SYT16: variants seen among roughly 807,000 people sequenced by gnomAD.
The protein encoded by SYT16 is synaptotagmin 16, also known as synaptotagmin-16.
In SYT16, 42 loss-of-function variants were observed where a neutral mutation model predicts 61.4. The ratio of observed to expected loss-of-function variants is 0.68; its 90% CI spans 0.53 to 0.89. The LOEUF (loss-of-function observed/expected upper bound fraction) is 0.89, where lower values mean the gene tolerates loss of function less well. SYT16 is among the 40% of genes least tolerant of loss of function. SYT16 has a pLI of 0.00. For synonymous variants in SYT16, 314 were observed against 302.3 expected (o/e 1.04, Z -0.40); for missense variants, 804 against 807.3 (o/e 1.00, Z 0.05).
At chr14:62,018,712 C>A (rs2053801138) in intron 3 of SYT16, among the ~76,000 whole-genome samples, 1 of 152,144 alleles carries the variant, frequency 6.6e-6, no homozygotes. Flanking sequence ...TTACTCACTT[C>A]CGTTGGGTCT....
chr14:62,075,488 A>G (rs1484360689), intron 5 of SYT16, 97 bp downstream of exon 5: 10 of 1,328,658 alleles, frequency 7.5e-6, no homozygotes, highest in Admixed American at 2.5e-5. Flanking sequence ...AAAAAATTCC[A>G]GAAAGGAAGC....
intron 1 of SYT16, among the ~76,000 whole-genome samples, chr14:61,873,261 A>C (rs1417870295): frequency 6.6e-6 from 1 of 152,206 alleles, no homozygotes; most frequent in Admixed American, 6.5e-5. Flanking sequence ...TCCCCGAAAG[A>C]GTTATAGGCT....
chr14:62,077,768 C>A (rs2056548042), intron 5 of SYT16: 2 of 152,196 alleles, frequency 1.3e-5, no homozygotes, highest in Admixed American at 6.5e-5. Context: ...GGCTACAAAG[C>A]CCAGTTTTCA....
chr14:61,886,585 A>G (rs1170164362), intron 1 of SYT16, among the ~76,000 whole-genome samples: 1 of 152,230 alleles, frequency 6.6e-6, no homozygotes, highest in African/African-American at 2.4e-5. Flanking sequence ...AAGTTTGACC[A>G]TAAGATTGCA....
At chr14:62,089,839 C>G (rs2057011442) in intron 7 of SYT16, among the ~76,000 whole-genome samples, 1 of 152,224 alleles carries the variant, frequency 6.6e-6, no homozygotes, top group African/African-American at 2.4e-5. Flanking sequence ...TAGTGTCTAG[C>G]AGACATCTGA....
At chr14:61,987,049 TAATA>T (rs1301313585) in intron 2 of SYT16, among the ~76,000 whole-genome samples, 1 of 152,112 alleles carries the variant, frequency 6.6e-6, no homozygotes, top group Non-Finnish European at 1.5e-5. Context: ...TAGTAAGTGT[TAATA>T]AGAAATAAGG....
At chr14:62,060,586 G>T (rs917151674) in intron 3 of SYT16, among the ~76,000 whole-genome samples, 1 of 151,292 alleles carries the variant, frequency 6.6e-6, no homozygotes, top group Non-Finnish European at 1.5e-5. Flanking sequence ...ATGATTATTT[G>T]GTTTTTCTTT....
intron 3 of SYT16, among the ~76,000 whole-genome samples, chr14:62,030,326 GA>G (rs2054265784): frequency 6.6e-6 from 1 of 152,142 alleles, no homozygotes; most frequent in African/African-American, 2.4e-5. Context: ...AATTAGTTTT[GA>G]AAGTGTTTTA....
chr14:61,920,582 T>C (rs1477072988), intron 1 of SYT16, among the ~76,000 whole-genome samples: 2 of 152,206 alleles, frequency 1.3e-5, no homozygotes, highest in African/African-American at 4.8e-5. Context: ...GGCCTGTCTC[T>C]AGAAACATTT....
At chr14:61,905,585 T>C (rs2048672672) in intron 1 of SYT16, among the ~76,000 whole-genome samples, 4 of 152,154 alleles carry the variant, frequency 2.6e-5, no homozygotes, top group Admixed American at 2.6e-4. Flanking sequence ...TTCTGTGTAA[T>C]TATCTGCTTG....
At chr14:62,085,197 A>C (rs777755045) in intron 7 of SYT16, among the ~76,000 whole-genome samples, 43 of 152,226 alleles carry the variant, frequency 2.8e-4, no homozygotes, top group Non-Finnish European at 8.8e-5. Context: ...GCATGCTGTT[A>C]AAAAGTTAGC....
Position 62,039,834 on chromosome 14 carries a change from T to TACACACACACACACACAC in SYT16, c.524-29742_524-29725dup, listed in dbSNP as rs71449576. Among the ~76,000 whole-genome samples, 12 of 124,424 alleles carry TACACACACACACACACAC rather than the reference T, an allele frequency of 9.6e-5. No homozygotes were observed. In the East Asian group the frequency reaches 2.1e-3, roughly 21 times the overall value. 81.6% of individuals were successfully genotyped at this position (124,424 alleles called of 152,430 possible). A position where few individuals can be genotyped will look rare whatever the true frequency, so the allele number is the denominator to read the frequency against. Reference sequence around the variant, plus strand: ...AGCCAAATTCAGAGGGGCTTAAGCATACACACACACACACACACACACACA... The same window carrying TACACACACACACACACAC: ...AGCCAAATTCAGAGGGGCTTAAGCATACACACACACACACACACACACACACACACACACACACACACA... On this transcript the variant is annotated intron_variant, in intron 3 of 7. Coordinates refer to ENST00000683842, the MANE Select transcript of SYT16 (RefSeq NM_001367656.1).
At chr14:61,977,822 C>T (rs1595066132) in intron 2 of SYT16, among the ~76,000 whole-genome samples, 1 of 152,078 alleles carries the variant, frequency 6.6e-6, no homozygotes, top group African/African-American at 2.4e-5. Context: ...CCTATGGCTG[C>T]CATAACAAAT....
At chr14:61,980,864 G>A (rs1351953711) in intron 2 of SYT16, among the ~76,000 whole-genome samples, 2 of 152,114 alleles carry the variant, frequency 1.3e-5, no homozygotes, top group Admixed American at 6.6e-5. Flanking sequence ...CTCATTGCTG[G>A]GCAGAAAAAC....
At chr14:61,912,316 A>G (rs564786770) in intron 1 of SYT16, among the ~76,000 whole-genome samples, 1 of 152,330 alleles carries the variant, frequency 6.6e-6, no homozygotes, top group African/African-American at 2.4e-5. Context: ...TACTAAATTC[A>G]TTTTCATTTT....
chr14:61,975,600 AACTC>A (rs1376003171), intron 2 of SYT16, among the ~76,000 whole-genome samples: 1 of 152,088 alleles, frequency 6.6e-6, no homozygotes, highest in African/African-American at 2.4e-5. Flanking sequence ...ATCTTGTGAG[AACTC>A]ACTCACTATC....
intron 1 of SYT16, among the ~76,000 whole-genome samples, chr14:61,956,918 A>G (rs1218303529): frequency 6.6e-6 from 1 of 151,820 alleles, no homozygotes; most frequent in Admixed American, 6.6e-5. Context: ...AAAATAGACA[A>G]TATTTATTAT....
chr14:62,036,175 A>T (rs901036582), intron 3 of SYT16, among the ~76,000 whole-genome samples: 5 of 152,200 alleles, frequency 3.3e-5, no homozygotes, highest in Non-Finnish European at 7.3e-5. Flanking sequence ...TGGGAGGTGG[A>T]GAATAGATCT....
intron 3 of SYT16, among the ~76,000 whole-genome samples, chr14:62,010,868 C>A (rs925127730): frequency 4.6e-5 from 7 of 151,986 alleles, no homozygotes; most frequent in Non-Finnish European, 1.0e-4. Flanking sequence ...TATTCTGTTT[C>A]GATCTCACAA....
Sources: gnomAD v4.1 joint callset for allele counts (sites outside exome capture counted in the v4.1 genomes callset) on GRCh38, gnomAD v4.1.1 for gene constraint, MANE v1.5 for transcripts, NCBI Gene and HGNC (gene_info 2026-07-23, HGNC 2026-07-21) for gene names.